ENOPH1: variants seen among roughly 807,000 people sequenced by gnomAD.
ENOPH1 encodes the protein enolase-phosphatase E1.
ENOPH1 carries 14 observed loss-of-function variants against 31.1 expected under a neutral mutation model. That is an observed-to-expected ratio of 0.45 (90% CI 0.30 to 0.70). The LOEUF is 0.70. Ranked by LOEUF, ENOPH1 falls within the 30% of genes least tolerant of loss-of-function variation. The pLI is 0.09. For synonymous variants in ENOPH1, 127 were observed against 123.2 expected (o/e 1.03, Z -0.21); for missense variants, 243 against 321.5 (o/e 0.76, Z 1.87).
At chr4:82,437,955 T>C (rs1721950214) in intron 1 of ENOPH1, among the ~76,000 whole-genome samples, 1 of 152,224 alleles carries the variant, frequency 6.6e-6, no homozygotes, top group Non-Finnish European at 1.5e-5. Flanking sequence ...TAACTGAAAG[T>C]GTTTCTAGAG....
At chr4:82,431,944 C>T (rs1007961998) in intron 1 of ENOPH1, among the ~76,000 whole-genome samples, 4 of 149,758 alleles carry the variant, frequency 2.7e-5, no homozygotes, top group African/African-American at 9.9e-5. Context: ...GAGAGTCTCA[C>T]TCTGTTCCCA....
intron 1 of ENOPH1, among the ~76,000 whole-genome samples, chr4:82,446,540 C>G (rs1451687989): frequency 6.6e-6 from 1 of 151,976 alleles, no homozygotes; most frequent in East Asian, 1.9e-4. Flanking sequence ...AACTGTGGCT[C>G]AGGAGCATAA....
chr4:82,431,504 A>G (rs1405414071), intron 1 of ENOPH1, among the ~76,000 whole-genome samples: 1 of 152,222 alleles, frequency 6.6e-6, no homozygotes, highest in Non-Finnish European at 1.5e-5. Context: ...TTTGAGCTAT[A>G]GGACACGTCT....
At chr4:82,437,422 C>T (rs1042948541) in intron 1 of ENOPH1, among the ~76,000 whole-genome samples, 40 of 152,310 alleles carry the variant, frequency 2.6e-4, no homozygotes, top group Admixed American at 1.9e-3. Flanking sequence ...CTATCCCTCT[C>T]TTTACACTTT....
chr4:82,435,189 CCT>C (rs1721876407), intron 1 of ENOPH1, among the ~76,000 whole-genome samples: 1 of 152,156 alleles, frequency 6.6e-6, no homozygotes, highest in Non-Finnish European at 1.5e-5. Flanking sequence ...GCAACCTCGA[CCT>C]CTCAGGCTTA....
chr4:82,448,841 G>A (rs965503617), intron 2 of ENOPH1, among the ~76,000 whole-genome samples: 20 of 151,218 alleles, frequency 1.3e-4, no homozygotes, highest in African/African-American at 4.4e-4. Flanking sequence ...GGCGGATCAC[G>A]AGGTCAGGAG....
intron 1 of ENOPH1, among the ~76,000 whole-genome samples, chr4:82,431,264 G>A (rs1281274811): frequency 1.3e-5 from 2 of 152,218 alleles, no homozygotes; most frequent in Non-Finnish European, 2.9e-5. Flanking sequence ...GCAGGTGAGC[G>A]CAGCCTTTCT....
intron 1 of ENOPH1, among the ~76,000 whole-genome samples, chr4:82,436,569 C>T (rs1036708365): frequency 4.0e-5 from 6 of 151,864 alleles, no homozygotes; most frequent in African/African-American, 1.5e-4. Context: ...TGCCTGTGAT[C>T]CCAGCTACTC....
intron 4 of ENOPH1, 52 bp from the exon 5 acceptor site, chr4:82,456,863 G>T (rs1722502486): frequency 6.3e-7 from 1 of 1,595,226 alleles, no homozygotes; most frequent in Admixed American, 1.7e-5. Flanking sequence ...AAAGGCATGA[G>T]GGGCATGCAA....
intron 3 of ENOPH1, among the ~76,000 whole-genome samples, chr4:82,453,320 T>G (rs534007847): frequency 2.6e-5 from 4 of 152,368 alleles, no homozygotes; most frequent in African/African-American, 9.6e-5. Context: ...TCTTTATTTA[T>G]GTACTTTACG....
At chr4:82,447,663 A>G (rs190957983) in intron 1 of ENOPH1, among the ~76,000 whole-genome samples, 50 of 152,366 alleles carry the variant, frequency 3.3e-4, no homozygotes, top group African/African-American at 1.1e-3. Context: ...GAGTGTGGCT[A>G]TGTTCCAATA....
intron 2 of ENOPH1, among the ~76,000 whole-genome samples, chr4:82,448,236 G>GCTTTTTTT (rs1553902620): frequency 2.7e-5 from 4 of 148,758 alleles, no homozygotes; most frequent in Non-Finnish European, 4.5e-5. Context: ...CTCTTTGGTT[G>GCTTTTTTT]TTTTTTTTTG....
chr4:82,452,918 T>C (rs78384071), intron 3 of ENOPH1, among the ~76,000 whole-genome samples: 20,364 of 144,742 alleles, frequency 0.14, 1,484 homozygotes, highest in Middle Eastern at 0.29. Context: ...TTTTTTTTTT[T>C]TGAGACGGAG....
At chr4:82,440,044 G>A (rs1722000285) in intron 1 of ENOPH1, among the ~76,000 whole-genome samples, 1 of 152,174 alleles carries the variant, frequency 6.6e-6, no homozygotes, top group Admixed American at 6.5e-5. Flanking sequence ...AAAGGTCCAA[G>A]CTAAAGGTAA....
chr4:82,435,386 G>A (rs566240130), intron 1 of ENOPH1, among the ~76,000 whole-genome samples: 2 of 152,302 alleles, frequency 1.3e-5, no homozygotes, highest in South Asian at 4.1e-4. Flanking sequence ...TTATAGGCAT[G>A]TGCCACCATG....
chr4:82,446,677 G>T (rs12509019), intron 1 of ENOPH1, among the ~76,000 whole-genome samples: 76,171 of 108,262 alleles, frequency 0.7, 26,041 homozygotes, highest in African/African-American at 0.85. Context: ...TTTTTTTTTT[G>T]TGTGACGGAA....
rs113524695 is a variant in ENOPH1 at position 82,440,337 on chromosome 4, A to G, written c.85-7583A>G. On this transcript the variant is annotated intron_variant, in intron 1 of 5. Coordinates refer to ENST00000273920, the MANE Select transcript of ENOPH1 (RefSeq NM_021204.5). ...AAATTTCCATAGAGAATATGCTGTC[A>G]AGATCCAGGGAGTTAGATGATCCTG... 2.2e-3 allele frequency among the ~76,000 whole-genome samples: 330 copies of G among 152,344 alleles called. 1 individual carries two copies. The highest frequency in any genetic ancestry group is 7.6e-3 in the African/African-American group (314 of 41,566).
intron 1 of ENOPH1, among the ~76,000 whole-genome samples, chr4:82,435,565 ATCTT>A (rs893995372): frequency 7.2e-5 from 11 of 152,334 alleles, no homozygotes; most frequent in Admixed American, 7.2e-4. Context: ...TGCAGTTAAC[ATCTT>A]TCTTATGAAA....
rs939652568 is a variant in ENOPH1 at position 82,460,765 on chromosome 4, C to T, written c.*645C>T. 2 of 152,206 alleles carry T rather than the reference C, an allele frequency of 1.3e-5. No individual in the cohort carries two copies. Among genetic ancestry groups the T allele is most frequent in the African/African-American group, 4.8e-5 (2 of 41,428 alleles). 9.4% of individuals were successfully genotyped at this position (152,206 alleles called of 1,614,324 possible). On this transcript the variant is annotated 3_prime_UTR_variant, in exon 6 of 6. Coordinates refer to ENST00000273920, the MANE Select transcript of ENOPH1 (RefSeq NM_021204.5). ...TTGCCTTACCAGTGAAAAAGGTGCA[C>T]TGAGGTAACATCTAAAACAGAGATG... is the stretch of plus-strand genomic sequence containing the variant.
Sources: allele counts gnomAD v4.1 joint callset (sites outside exome capture counted in the v4.1 genomes callset), GRCh38; gene constraint gnomAD v4.1.1; transcripts MANE v1.5; gene names NCBI Gene and HGNC (gene_info 2026-07-23, HGNC 2026-07-21).